The following COL13A1 variants were observed in gnomAD, a reference collection of about 807,000 sequenced individuals.
COL13A1 encodes collagen type XIII alpha 1 chain, also known as collagen alpha-1(XIII) chain.
COL13A1 carries 89 observed loss-of-function variants against 130.9 expected under a neutral mutation model. That is an observed-to-expected ratio of 0.68 (90% CI 0.57 to 0.81). The LOEUF (loss-of-function observed/expected upper bound fraction) is 0.81. Ranked by LOEUF, COL13A1 falls within the 30% of genes least tolerant of loss-of-function variation. The pLI, the probability that COL13A1 is intolerant of heterozygous loss-of-function variation, is 0.00. For missense variants in COL13A1, 879 were observed against 934.6 expected, an observed-to-expected ratio of 0.94 and a Z score of 0.78; for synonymous variants, 402 against 341.6, an observed-to-expected ratio of 1.18 and a Z score of -1.95.
intron 31 of COL13A1, 135 bp downstream of exon 31, chr10:69,932,739 T>C: frequency 1.5e-6 from 1 of 647,240 alleles, no homozygotes; most frequent in Middle Eastern, 2.5e-4. Flanking sequence ...GGTCAGGCAC[T>C]GATCCTCTGG....
intron 1 of COL13A1, among the ~76,000 whole-genome samples, chr10:69,817,001 G>C (rs150829979): frequency 1.3e-3 from 198 of 152,320 alleles, no homozygotes; most frequent in African/African-American, 4.4e-3. Context: ...TAATGATTCC[G>C]TGAGGGTGGG....
rs1424717953 is a variant in COL13A1 at position 69,871,961 on chromosome 10, T to A, written c.373-223T>A. On this transcript the variant is annotated intron_variant, in intron 3 of 40. Coordinates refer to ENST00000645393, the MANE Select transcript of COL13A1 (RefSeq NM_001368882.1). ...TGCTAAAGGTTACCCAAGTAGTAAG[T>A]GGCAGAGCCAAGAGGTGAACACAGG... Among the ~76,000 whole-genome samples the A allele has an allele frequency of 2.0e-5, 3 of 152,354 alleles. No individual in the cohort carries two copies. In the East Asian group the frequency reaches 5.8e-4, roughly 29 times the overall value.
At chr10:69,889,999 G>A (rs750621549) in intron 10 of COL13A1, among the ~76,000 whole-genome samples, 2 of 152,100 alleles carry the variant, frequency 1.3e-5, no homozygotes, top group South Asian at 2.1e-4. Flanking sequence ...CTGTTTGGAG[G>A]TTGGGCCACT....
intron 2 of COL13A1, among the ~76,000 whole-genome samples, chr10:69,846,673 G>A (rs575919486): frequency 1.1e-4 from 16 of 152,196 alleles, no homozygotes; most frequent in African/African-American, 3.1e-4. Flanking sequence ...CCAGCTAATC[G>A]TCTTAACCTT....
intron 17 of COL13A1, among the ~76,000 whole-genome samples, chr10:69,910,770 T>C (rs992429564): frequency 3.3e-5 from 5 of 152,276 alleles, no homozygotes; most frequent in African/African-American, 9.6e-5. Flanking sequence ...ACCTTGGCTC[T>C]CTTTCAAGGG....
At chr10:69,834,875 A>T (rs1034710801) in intron 2 of COL13A1, among the ~76,000 whole-genome samples, 2 of 152,156 alleles carry the variant, frequency 1.3e-5, no homozygotes, top group Non-Finnish European at 2.9e-5. Context: ...GCCCATTCTG[A>T]GCTTGTGGAC....
At chr10:69,895,866 T>A (rs1029042264) in intron 13 of COL13A1, among the ~76,000 whole-genome samples, 23 of 151,968 alleles carry the variant, frequency 1.5e-4, no homozygotes, top group African/African-American at 5.3e-4. Context: ...TATGTTGGAG[T>A]CTCCTGCTGT....
At chr10:69,914,662 G>A (rs1170805480) in intron 17 of COL13A1, among the ~76,000 whole-genome samples, 3 of 152,202 alleles carry the variant, frequency 2.0e-5, no homozygotes, top group Non-Finnish European at 4.4e-5. Flanking sequence ...ACCCACACCA[G>A]AGGACTGTGG....
At chr10:69,874,727 A>G (rs2059413610) in intron 4 of COL13A1, among the ~76,000 whole-genome samples, 1 of 152,214 alleles carries the variant, frequency 6.6e-6, no homozygotes, top group South Asian at 2.1e-4. Context: ...GGGAGCTGCC[A>G]GTCACCCTGC....
At chr10:69,913,360 T>C (rs1181617568) in intron 17 of COL13A1, among the ~76,000 whole-genome samples, 2 of 152,188 alleles carry the variant, frequency 1.3e-5, no homozygotes, top group African/African-American at 2.4e-5. Context: ...AGGAGGTGAA[T>C]TGAGGCCTGT....
At chr10:69,935,536 T>C (rs1166376914) in intron 32 of COL13A1, 145 bp downstream of exon 32, 1 of 617,694 alleles carries the variant, frequency 1.6e-6, no homozygotes, top group African/African-American at 1.9e-5. Flanking sequence ...CCGCTCCTTT[T>C]CCCTCCCATG....
chr10:69,902,316 C>A (rs897365941), intron 14 of COL13A1, among the ~76,000 whole-genome samples: 1 of 152,212 alleles, frequency 6.6e-6, no homozygotes, highest in Non-Finnish European at 1.5e-5. Flanking sequence ...TGTTCCCATT[C>A]TATGGCTGAG....
chr10:69,944,236 C>A, intron 36 of COL13A1, 58 bp downstream of exon 36: 1 of 1,449,498 alleles, frequency 6.9e-7, no homozygotes, highest in Non-Finnish European at 9.7e-7. Flanking sequence ...TGCCTGGGAC[C>A]CAACACCAGG....
intron 17 of COL13A1, among the ~76,000 whole-genome samples, chr10:69,914,537 G>A (rs2063719086): frequency 1.3e-5 from 2 of 152,198 alleles, no homozygotes; most frequent in African/African-American, 4.8e-5. Flanking sequence ...ATGGAGGTGG[G>A]AAGAAGAGGG....
At chr10:69,878,860 A>C (rs1448944360) in intron 6 of COL13A1, among the ~76,000 whole-genome samples, 2 of 152,282 alleles carry the variant, frequency 1.3e-5, no homozygotes, top group Admixed American at 1.3e-4. Flanking sequence ...GGCTGGCCCA[A>C]GATGGCACAG....
chr10:69,913,263 C>T (rs1322200969), intron 17 of COL13A1, among the ~76,000 whole-genome samples: 1 of 152,180 alleles, frequency 6.6e-6, no homozygotes, highest in Admixed American at 6.5e-5. Flanking sequence ...CTCAGAGCAC[C>T]CACTTCCCCA....
At chr10:69,810,027 C>T (rs985041479) in intron 1 of COL13A1, among the ~76,000 whole-genome samples, 6 of 152,328 alleles carry the variant, frequency 3.9e-5, no homozygotes, top group Non-Finnish European at 5.9e-5. Flanking sequence ...TTCTACCTTA[C>T]TGTATACTGT....
intron 6 of COL13A1, among the ~76,000 whole-genome samples, chr10:69,879,678 C>T (rs143598821): frequency 6.6e-6 from 1 of 152,320 alleles, no homozygotes; most frequent in Non-Finnish European, 1.5e-5. Context: ...GGTATGTGGG[C>T]TCAGAGAGGT....
In COL13A1 at chr10:69,923,871, C is replaced by T. The variant is rs771783730; in HGVS notation, c.1284+16C>T. 1.4e-5 allele frequency: 23 copies of T among 1,610,274 alleles called. No individual in the cohort carries two copies. The highest frequency in any genetic ancestry group is 1.9e-5 in the Non-Finnish European group (22 of 1,178,464). ...AGGAGACAAGGTACAGAGACCCCCA[C>T]ATCCCAGAGCTGCAAGATGAGGGTC... On this transcript the variant is annotated intron_variant, in intron 24 of 40. Coordinates refer to ENST00000645393, the MANE Select transcript of COL13A1 (RefSeq NM_001368882.1).
Sources: gnomAD v4.1 joint callset for allele counts (sites outside exome capture counted in the v4.1 genomes callset) on GRCh38, gnomAD v4.1.1 for gene constraint, MANE v1.5 for transcripts, NCBI Gene and HGNC (gene_info 2026-07-23, HGNC 2026-07-21) for gene names.